The following MACROD2 variants were observed in gnomAD, a reference collection of about 807,000 sequenced individuals.
MACROD2 encodes ADP-ribose glycohydrolase MACROD2.
A neutral mutation model predicts 70.4 loss-of-function variants in MACROD2; 36 were observed. The observed-to-expected ratio is 0.51, with a 90% CI of 0.39 to 0.68. The LOEUF (loss-of-function observed/expected upper bound fraction) is 0.68. Among genes scored for constraint, MACROD2 ranks in the 30% least tolerant of loss-of-function variants. The probability of loss-of-function intolerance (pLI) is 0.00; values close to 1 mark genes in which losing one functional copy is unlikely to be tolerated. For missense variants in MACROD2, 496 were observed against 538.4 expected (o/e 0.92, Z 0.78); for synonymous variants, 172 against 178.8 (o/e 0.96, Z 0.30).
chr20:15,097,539 TTAATGTAAAG>T (rs1255707093), intron 5 of MACROD2, among the ~76,000 whole-genome samples: 12 of 152,140 alleles, frequency 7.9e-5, no homozygotes, highest in Non-Finnish European at 1.5e-4. Flanking sequence ...TTAGGGCAGA[TTAATGTAAAG>T]TACCGTAAGA....
chr20:14,536,509 A>G (rs989501396), intron 4 of MACROD2, among the ~76,000 whole-genome samples: 4 of 152,166 alleles, frequency 2.6e-5, no homozygotes, highest in Non-Finnish European at 4.4e-5. Flanking sequence ...ATCTTTATAC[A>G]TAAGTATTAA....
chr20:15,483,375 T>C (rs1361114949), intron 7 of MACROD2, among the ~76,000 whole-genome samples: 3 of 152,132 alleles, frequency 2.0e-5, no homozygotes, highest in Admixed American at 6.6e-5. Context: ...TTTACGAGGG[T>C]CTATTTATGG....
intron 5 of MACROD2, among the ~76,000 whole-genome samples, chr20:14,767,737 C>G (rs1382871474): frequency 1.3e-5 from 2 of 151,836 alleles, no homozygotes; most frequent in Non-Finnish European, 2.9e-5. Context: ...GTTTGCCGCA[C>G]CCATCAACCT....
At chr20:15,843,039 C>G (rs1003272982) in intron 8 of MACROD2, among the ~76,000 whole-genome samples, 1 of 152,120 alleles carries the variant, frequency 6.6e-6, no homozygotes, top group African/African-American at 2.4e-5. Flanking sequence ...GACCCTTTTC[C>G]TCACCACTTG....
intron 3 of MACROD2, among the ~76,000 whole-genome samples, chr20:14,330,664 A>G (rs1281074640): frequency 2.0e-5 from 3 of 152,136 alleles, no homozygotes; most frequent in Non-Finnish European, 4.4e-5. Context: ...AAACAAAAAT[A>G]GCAGTTAGCA....
chr20:15,425,243 A>G (rs146186832), intron 6 of MACROD2, among the ~76,000 whole-genome samples: 276 of 152,368 alleles, frequency 1.8e-3, no homozygotes, highest in South Asian at 3.7e-3. Context: ...TAGGAAACAA[A>G]CAATTTATCT....
At position 15,707,052 on chromosome 20, in the gene MACROD2, T is replaced by C. The variant is rs113732937; in HGVS notation, c.646-155693T>C. 1.8e-3 allele frequency among the ~76,000 whole-genome samples: 276 copies of C among 152,338 alleles called. 1 individual carries two copies. Among genetic ancestry groups the C allele is most frequent in the African/African-American group, 6.4e-3 (265 of 41,570 alleles). On this transcript the variant is annotated intron_variant, in intron 8 of 17. Transcript: ENST00000684519. ...CCTCCAGATAAAAAGTCATGGTTCTTCTATTGCCCTAAGAGTCATAGATAG... is the reference window on the plus strand; with the variant it reads ...CCTCCAGATAAAAAGTCATGGTTCTCCTATTGCCCTAAGAGTCATAGATAG...
intron 5 of MACROD2, among the ~76,000 whole-genome samples, chr20:15,223,352 T>G (rs578010505): frequency 6.6e-6 from 1 of 152,318 alleles, no homozygotes; most frequent in East Asian, 1.9e-4. Flanking sequence ...CTGGACACTT[T>G]AGGGAAATAA....
chr20:14,675,063 C>T (rs890521894), intron 4 of MACROD2, among the ~76,000 whole-genome samples: 2 of 152,000 alleles, frequency 1.3e-5, no homozygotes, highest in African/African-American at 4.8e-5. Context: ...AGACAAAGAC[C>T]AAACCTACTT....
chr20:14,014,749 G>A (rs372578962), intron 2 of MACROD2, among the ~76,000 whole-genome samples: 2 of 151,684 alleles, frequency 1.3e-5, no homozygotes, highest in Admixed American at 1.3e-4. Flanking sequence ...TTCAATAACC[G>A]AATACATCTG....
chr20:14,112,181 TAGAG>T (rs2054459541), intron 3 of MACROD2, among the ~76,000 whole-genome samples: 1 of 151,676 alleles, frequency 6.6e-6, no homozygotes, highest in African/African-American at 2.4e-5. Context: ...TTCATGGAGA[TAGAG>T]AGTAGAAGGA....
chr20:14,738,293 T>G (rs2071692050), intron 5 of MACROD2, among the ~76,000 whole-genome samples: 2 of 152,068 alleles, frequency 1.3e-5, no homozygotes, highest in African/African-American at 4.8e-5. Context: ...TAAAGAGTAT[T>G]AAAACACTCT....
chr20:14,621,749 T>G (rs1983839396), intron 4 of MACROD2: 1 of 152,130 alleles, frequency 6.6e-6, no homozygotes, highest in Non-Finnish European at 1.5e-5. Context: ...CCAAATTAAT[T>G]TTTATTTGTT....
At chr20:15,862,874 G>A (rs770588867) in intron 9 of MACROD2, 48 bp downstream of exon 9, 1 of 1,404,720 alleles carries the variant, frequency 7.1e-7, no homozygotes. Flanking sequence ...GATGGAAGAA[G>A]TGGAGCCGTC....
At chr20:14,030,270 T>C (rs1349698798) in intron 2 of MACROD2, among the ~76,000 whole-genome samples, 1 of 152,138 alleles carries the variant, frequency 6.6e-6, no homozygotes, top group Non-Finnish European at 1.5e-5. Context: ...ATGCCTAGGC[T>C]CAAACCATCC....
intron 12 of MACROD2, among the ~76,000 whole-genome samples, chr20:15,943,269 G>A (rs2065775512): frequency 1.3e-5 from 2 of 152,134 alleles, no homozygotes; most frequent in Admixed American, 6.6e-5. Context: ...TCTGGAAAAC[G>A]GCATTGTTTC....
chr20:14,547,181 T>C, intron 4 of MACROD2: 1 of 325,428 alleles, frequency 3.1e-6, no homozygotes, highest in Non-Finnish European at 5.2e-6. Context: ...TGAGAGAGCC[T>C]GGCTCAATTA....
chr20:14,478,873 G>C lies in MACROD2; in HGVS notation c.272-14606G>C, dbSNP rs1218859811. ...GGTGGGCCTTGTGTATCTGGTGCTGGTGGGGCTCCCAGGGGTCTATACTGT... is the reference window on the plus strand; with the variant it reads ...GGTGGGCCTTGTGTATCTGGTGCTGCTGGGGCTCCCAGGGGTCTATACTGT... On this transcript the variant is annotated intron_variant, in intron 3 of 17. Coordinates refer to ENST00000684519, the MANE Select transcript of MACROD2 (RefSeq NM_001351661.2). Among the ~76,000 whole-genome samples the C allele has an allele frequency of 5.3e-5, 8 of 152,152 alleles. 1 individual carries two copies. The South Asian group carries it at 1.0e-3, about 20-fold the overall frequency.
At chr20:14,346,741 A>G (rs1050752499) in intron 3 of MACROD2, among the ~76,000 whole-genome samples, 1 of 152,194 alleles carries the variant, frequency 6.6e-6, no homozygotes, top group Non-Finnish European at 1.5e-5. Context: ...CAAAAGGAGT[A>G]AGAAGGAGAA....
Sources: gnomAD v4.1 joint callset for allele counts (sites outside exome capture counted in the v4.1 genomes callset) on GRCh38, gnomAD v4.1.1 for gene constraint, MANE v1.5 for transcripts, NCBI Gene and HGNC (gene_info 2026-07-23, HGNC 2026-07-21) for gene names.